Variants in CERS4 observed in about 807,000 individuals in gnomAD.
The protein encoded by CERS4 is LAG1 homolog, ceramide synthase 4.
CERS4 carries 65 observed loss-of-function variants against 51.8 expected under a neutral mutation model. That is an observed-to-expected ratio of 1.26 (90% CI 1.03 to 1.54). The LOEUF is 1.54. CERS4 is among the 40% of genes most tolerant of loss of function. The pLI is 0.00. For missense variants in CERS4, 563 were observed against 500.4 expected, an observed-to-expected ratio of 1.13 and a Z score of -1.19; for synonymous variants, 228 against 208.4, an observed-to-expected ratio of 1.09 and a Z score of -0.81.
At chr19:8,253,156 C>T (rs1321173563) in intron 3 of CERS4, among the ~76,000 whole-genome samples, 1 of 152,222 alleles carries the variant, frequency 6.6e-6, no homozygotes, top group East Asian at 1.9e-4. Flanking sequence ...CGGTCCCCAC[C>T]TGTGGTGTTG....
rs1408103217 is a variant in CERS4 at position 8,262,300 on chromosome 19, G to C, written c.*191G>C. The C allele has an allele frequency of 3.9e-6, 2 of 516,846 alleles. No individual in the cohort carries two copies. Among genetic ancestry groups the C allele is most frequent in the Non-Finnish European group, 6.2e-6 (2 of 322,124 alleles). 32.0% of individuals were successfully genotyped at this position (516,846 alleles called of 1,614,324 possible). On this transcript the variant is annotated 3_prime_UTR_variant, in exon 12 of 12. Transcript: ENST00000251363. ...CCACCCTTCTTCCCTCTGGGCAACT[G>C]GACAGATCTGGGAGCCAGCAGCTGG...
chr19:8,233,137 C>A lies in CERS4; in HGVS notation c.-1-17939C>A, dbSNP rs527970351. Reference sequence around the variant, plus strand: ...CCTCAAGCAATCCTCCAACTTCAGCCTGGGATTACAGGCAAAAGCCACCAC... The same window carrying A: ...CCTCAAGCAATCCTCCAACTTCAGCATGGGATTACAGGCAAAAGCCACCAC... On this transcript the variant is annotated intron_variant, in intron 2 of 11. Coordinates refer to ENST00000251363, the MANE Select transcript of CERS4 (RefSeq NM_024552.3). Among the ~76,000 whole-genome samples, 11 of 151,874 alleles carry A rather than the reference C, an allele frequency of 7.2e-5. No homozygotes were observed. In the South Asian group the frequency reaches 1.7e-3, roughly 23 times the overall value.
intron 2 of CERS4, among the ~76,000 whole-genome samples, chr19:8,237,830 G>A (rs570954938): frequency 1.4e-3 from 218 of 152,236 alleles, no homozygotes; most frequent in African/African-American, 4.7e-3. Context: ...CAGCCTGGGC[G>A]ACAGAGCGAG....
At chr19:8,255,097 G>A (rs1599587794) in intron 4 of CERS4, among the ~76,000 whole-genome samples, 2 of 152,146 alleles carry the variant, frequency 1.3e-5, no homozygotes, top group Non-Finnish European at 1.5e-5. Flanking sequence ...GTGGCTGCCC[G>A]CTGGACAGGG....
At position 8,256,408 on chromosome 19, in the gene CERS4, C is replaced by G. The variant is rs558883468; in HGVS notation, c.519+122C>G. ...GTCATTCCCCACTGAGTCCCACGCT[C>G]TTTGATTCCTCTGGGGAATAGAGAG... On this transcript the variant is annotated intron_variant, in intron 7 of 11. Transcript: ENST00000251363. 10 of 1,196,968 alleles carry G rather than the reference C, an allele frequency of 8.4e-6. No individual in the cohort carries two copies. In the Admixed American group the frequency reaches 1.7e-4, roughly 21 times the overall value. The allele number at this position is 1,196,968 out of a possible 1,614,324, so 74.1% of individuals were successfully genotyped here. A position where few individuals can be genotyped will look rare whatever the true frequency, so the allele number is the denominator to read the frequency against.
intron 2 of CERS4, among the ~76,000 whole-genome samples, chr19:8,228,370 T>G (rs1383845147): frequency 6.6e-6 from 1 of 152,106 alleles, no homozygotes; most frequent in Non-Finnish European, 1.5e-5. Flanking sequence ...TTACCACAAT[T>G]AAAAAAAATT....
At position 8,261,915 on chromosome 19, in the gene CERS4, C is replaced by G; in HGVS notation, c.1006-15C>G. 1 of 1,609,598 alleles carries G rather than the reference C, an allele frequency of 6.2e-7. No homozygotes were observed. Among genetic ancestry groups the G allele is most frequent in the Non-Finnish European group, 8.5e-7 (1 of 1,177,280 alleles). ...CCTCCCTGCTCTGAGCTCCATCCCTCTCTCTGTTCCCCAGATGGAGAAGGA... is the reference window on the plus strand; with the variant it reads ...CCTCCCTGCTCTGAGCTCCATCCCTGTCTCTGTTCCCCAGATGGAGAAGGA... On this transcript the variant is annotated splice_polypyrimidine_tract_variant and intron_variant, in intron 11 of 11. Transcript: ENST00000251363.
intron 2 of CERS4, among the ~76,000 whole-genome samples, chr19:8,246,136 G>C (rs2927718): frequency 0.29 from 44,232 of 151,688 alleles, 8,287 homozygotes; most frequent in Non-Finnish European, 0.42. Context: ...GTTACTTTTG[G>C]ATGACAGGAC....
intron 3 of CERS4, 47 bp downstream of exon 3, chr19:8,251,296 G>C: frequency 6.6e-7 from 1 of 1,524,648 alleles, no homozygotes; most frequent in Non-Finnish European, 8.8e-7. Flanking sequence ...AGTCGCTCCA[G>C]TATGTGCTCG....
chr19:8,224,344 T>G (rs1336043625), intron 2 of CERS4, among the ~76,000 whole-genome samples: 1 of 148,296 alleles, frequency 6.7e-6, no homozygotes, highest in African/African-American at 2.5e-5. Context: ...GAGGCGGAGA[T>G]TGCGGTGAGT....
chr19:8,247,363 T>C (rs1205758184), intron 2 of CERS4, among the ~76,000 whole-genome samples: 1 of 152,002 alleles, frequency 6.6e-6, no homozygotes. Flanking sequence ...ACCTGCTGCG[T>C]ATTTATCTAG....
intron 2 of CERS4, chr19:8,239,490 CT>C (rs1022255939): frequency 2.0e-5 from 3 of 152,072 alleles, no homozygotes; most frequent in African/African-American, 7.3e-5. Context: ...GAGGAGCTTG[CT>C]TTTTGGGGAA....
chr19:8,247,268 T>C (rs1028634947), intron 2 of CERS4, among the ~76,000 whole-genome samples: 1 of 147,308 alleles, frequency 6.8e-6, no homozygotes, highest in African/African-American at 2.5e-5. Context: ...CCTCCCTCTC[T>C]CCCCCTTGCT....
intron 2 of CERS4, among the ~76,000 whole-genome samples, chr19:8,233,322 C>T (rs534899277): frequency 4.6e-5 from 7 of 151,866 alleles, no homozygotes; most frequent in Admixed American, 2.6e-4. Flanking sequence ...CGTACCACCA[C>T]ACCCAGCTAA....
chr19:8,257,671 C>G (rs1166406166), intron 9 of CERS4, among the ~76,000 whole-genome samples: 1 of 152,152 alleles, frequency 6.6e-6, no homozygotes, highest in African/African-American at 2.4e-5. Context: ...CTCAGGTGAT[C>G]TGCCTGCCTC....
At position 8,255,714 on chromosome 19, in the gene CERS4, C is replaced by G. The variant is rs1407588961; in HGVS notation, c.399C>G (p.Phe133Leu). Reference protein sequence around the residue: ...NQDRPQLTKKFCEASWRFLFY... With the variant: ...NQDRPQLTKKLCEASWRFLFY... ...ATCGACCCCAGCTGACCAAGAAGTT[C>G]TGTGAGGCCAGGTAAGCCCAGGATG... Residue 133 changes from phenylalanine (F) to leucine (L), a missense_variant, in exon 5 of 12, where the codon TTC (phenylalanine) becomes TTG (leucine). Coordinates refer to ENST00000251363, the MANE Select transcript of CERS4 (RefSeq NM_024552.3). 1 of 1,589,694 alleles carries G rather than the reference C, an allele frequency of 6.3e-7. No homozygotes were observed. Among genetic ancestry groups the G allele is most frequent in the Non-Finnish European group, 8.6e-7 (1 of 1,167,758 alleles).
At chr19:8,224,096 T>C (rs1599523802) in intron 2 of CERS4, among the ~76,000 whole-genome samples, 2 of 84,960 alleles carry the variant, frequency 2.4e-5, no homozygotes, top group African/African-American at 5.0e-5. Context: ...ACAGCAAGAC[T>C]CCGTCTTTAA....
chr19:8,258,872 G>A (rs564893505), intron 10 of CERS4, among the ~76,000 whole-genome samples: 2 of 150,930 alleles, frequency 1.3e-5, no homozygotes, highest in South Asian at 2.1e-4. Context: ...GATGGCTCAC[G>A]CCTGTCATCC....
intron 2 of CERS4, among the ~76,000 whole-genome samples, chr19:8,231,473 C>T (rs936001386): frequency 2.0e-5 from 3 of 152,150 alleles, no homozygotes; most frequent in African/African-American, 4.8e-5. Context: ...GTTCAATATC[C>T]ATGGGCTAAG....
Sources: gnomAD v4.1 joint callset for allele counts (sites outside exome capture counted in the v4.1 genomes callset) on GRCh38, gnomAD v4.1.1 for gene constraint, MANE v1.5 for transcripts, NCBI Gene and HGNC (gene_info 2026-07-23, HGNC 2026-07-21) for gene names.